Variants in SMAD1 observed in about 807,000 individuals in gnomAD.
SMAD1 encodes MAD, mothers against decapentaplegic homolog 1.
Under a neutral mutation model 41.6 loss-of-function variants are expected in SMAD1, and 6 were observed. The observed-to-expected ratio is 0.14, with a 90% CI of 0.08 to 0.28. The LOEUF is 0.28. Ranked by LOEUF, SMAD1 falls within the 10% of genes least tolerant of loss-of-function variation. The pLI is 1.00. For synonymous variants in SMAD1, 206 were observed against 203.2 expected, an observed-to-expected ratio of 1.01 and a Z score of -0.12; for missense variants, 379 against 582.6, an observed-to-expected ratio of 0.65 and a Z score of 3.60.
intron 5 of SMAD1, among the ~76,000 whole-genome samples, chr4:145,548,455 T>C (rs2126539206): frequency 6.6e-6 from 1 of 152,288 alleles, no homozygotes; most frequent in South Asian, 2.1e-4. Flanking sequence ...GGTCTCGAAC[T>C]AACCTCAAAC....
chr4:145,542,839 A>G (rs1732028789), intron 4 of SMAD1, 141 bp downstream of exon 4: 1 of 557,116 alleles, frequency 1.8e-6, no homozygotes, highest in Non-Finnish European at 3.2e-6. Context: ...AGCTCACTAC[A>G]ATTGCTGGAT....
intron 1 of SMAD1, among the ~76,000 whole-genome samples, chr4:145,507,544 CTT>C (rs1729857538): frequency 6.6e-6 from 1 of 151,676 alleles, no homozygotes; most frequent in South Asian, 2.1e-4. Flanking sequence ...TGATGAAAAT[CTT>C]TGTGCAAAAA....
chr4:145,527,032 A>G (rs1283663258), intron 2 of SMAD1, among the ~76,000 whole-genome samples: 2 of 152,194 alleles, frequency 1.3e-5, no homozygotes. Context: ...TAGTGATACA[A>G]GGAACATCAC....
In SMAD1 at chr4:145,514,173, A is replaced by G. The variant is rs937960761; in HGVS notation, c.-176-265A>G. Among the ~76,000 whole-genome samples the G allele has an allele frequency of 6.6e-6, 1 of 152,096 alleles. No individual in the cohort carries two copies. The highest frequency in any genetic ancestry group is 1.5e-5 in the Non-Finnish European group (1 of 68,020). On this transcript the variant is annotated intron_variant, in intron 1 of 6. Coordinates refer to ENST00000302085, the MANE Select transcript of SMAD1 (RefSeq NM_005900.3). The surrounding 1 kb of genome is among the most constrained non-coding windows in gnomAD (Gnocchi z 4.7). ...TAGAGGCTGGAGGAGGGAGATAGCA[A>G]TCTTAAGACCACCAGTCCTATCAGG...
chr4:145,483,147 A>G (rs942462415), intron 1 of SMAD1: 4 of 152,242 alleles, frequency 2.6e-5, no homozygotes, highest in African/African-American at 9.6e-5. Context: ...GGCCGGTCTC[A>G]GAACCATCTC....
chr4:145,546,959 TCTGTTGTGTCC>T, intron 5 of SMAD1, 35 bp downstream of exon 5: 1 of 1,490,366 alleles, frequency 6.7e-7, no homozygotes, highest in East Asian at 2.3e-5. Flanking sequence ...CAGATGTTTA[TCTGTTGTGTCC>T]CTGTTCCTCC....
chr4:145,535,647 C>T (rs1330168585), intron 2 of SMAD1, among the ~76,000 whole-genome samples: 2 of 151,866 alleles, frequency 1.3e-5, no homozygotes, highest in East Asian at 1.9e-4. Flanking sequence ...CAAGAAGAAA[C>T]ACAGGATAAG....
At chr4:145,526,346 A>G (rs1731017919) in intron 2 of SMAD1, among the ~76,000 whole-genome samples, 1 of 152,218 alleles carries the variant, frequency 6.6e-6, no homozygotes, top group African/African-American at 2.4e-5. Context: ...CAGATTTTGC[A>G]GTATTTTTTG....
Position 145,554,054 on chromosome 4 carries a change from G to T in SMAD1, c.1254+14G>T. 3.7e-6 allele frequency: 6 copies of T among 1,602,268 alleles called. No individual in the cohort carries two copies. Among genetic ancestry groups the T allele is most frequent in the South Asian group, 3.3e-5 (3 of 90,332 alleles). ...AGCTTTGTGAAGGTAAGTGAGCTCC[G>T]ACTCCTCCATTTAGGGCCTAACATA... is the stretch of plus-strand genomic sequence containing the variant. On this transcript the variant is annotated intron_variant, in intron 6 of 6. Transcript: ENST00000302085.
In SMAD1 at chr4:145,539,827, A is replaced by G. The variant is rs762817927; in HGVS notation, c.424A>G (p.Arg142Gly). The change falls in exon 3 of 7, where the codon AGA becomes GGA. Residue 142 changes from arginine (R) to glycine (G), a missense_variant. Physicochemically the swap from Arg to Gly is moderately radical, Grantham distance 125. Coordinates refer to ENST00000302085, the MANE Select transcript of SMAD1 (RefSeq NM_005900.3). ...AGTACTTCCTCCTGTGCTGGTTCCA[A>G]GACACAGCGAATATAATCCTCAGCA... ...SPVLPPVLVP[R>G]HSEYNPQHSL... 3.1e-6 allele frequency: 5 copies of G among 1,613,982 alleles called. No homozygotes were observed. The highest frequency in any genetic ancestry group is 3.3e-5 in the Admixed American group (2 of 60,010).
chr4:145,533,813 T>G (rs1578802879), intron 2 of SMAD1, among the ~76,000 whole-genome samples: 1 of 152,306 alleles, frequency 6.6e-6, no homozygotes, highest in African/African-American at 2.4e-5. Flanking sequence ...GAAGCCTCAT[T>G]TAATCTCATT....
upstream of SMAD1, chr4:145,481,754 T>G: frequency 5.5e-6 from 1 of 182,848 alleles, no homozygotes; most frequent in South Asian, 1.0e-4. Flanking sequence ...GGTGAGCGGG[T>G]GAGCGTGTGA....
At chr4:145,492,637 G>A (rs1421696447) in intron 1 of SMAD1, among the ~76,000 whole-genome samples, 5 of 152,164 alleles carry the variant, frequency 3.3e-5, no homozygotes, top group Admixed American at 3.3e-4. Context: ...GGCCACTGGT[G>A]ATCAACTTAA....
At chr4:145,492,012 T>TA (rs201421459) in intron 1 of SMAD1, among the ~76,000 whole-genome samples, 1 of 152,042 alleles carries the variant, frequency 6.6e-6, no homozygotes, top group African/African-American at 2.4e-5. Context: ...TTATAATGTT[T>TA]AAAAAAAATG....
At chr4:145,527,879 G>A (rs1346572918) in intron 2 of SMAD1, among the ~76,000 whole-genome samples, 2 of 143,888 alleles carry the variant, frequency 1.4e-5, no homozygotes, top group East Asian at 2.1e-4. Flanking sequence ...TTTTTTTTTC[G>A]AGACAGAATC....
chr4:145,532,782 A>T (rs920160320), intron 2 of SMAD1, among the ~76,000 whole-genome samples: 10 of 152,202 alleles, frequency 6.6e-5, no homozygotes, highest in African/African-American at 2.4e-4. Context: ...ACATAGAACA[A>T]GTCAGAGGGA....
At chr4:145,492,888 C>G (rs1468197599) in intron 1 of SMAD1, among the ~76,000 whole-genome samples, 1 of 152,148 alleles carries the variant, frequency 6.6e-6, no homozygotes, top group African/African-American at 2.4e-5. Context: ...CATATGCTGC[C>G]CATAAGGGGA....
At chr4:145,511,242 G>A (rs1424083061) in intron 1 of SMAD1, among the ~76,000 whole-genome samples, 1 of 151,918 alleles carries the variant, frequency 6.6e-6, no homozygotes, top group Non-Finnish European at 1.5e-5. Flanking sequence ...CTCATCTGTT[G>A]TCTCCTTTTC....
chr4:145,504,619 T>A (rs1369713039), intron 1 of SMAD1, among the ~76,000 whole-genome samples: 1 of 152,218 alleles, frequency 6.6e-6, no homozygotes, highest in African/African-American at 2.4e-5. Flanking sequence ...TGTTTGGAAA[T>A]GTGAGCGGAT....
Sources: allele counts gnomAD v4.1 joint callset (sites outside exome capture counted in the v4.1 genomes callset), GRCh38; gene constraint gnomAD v4.1.1; non-coding constraint Gnocchi (gnomAD v3.1); transcripts MANE v1.5; gene names NCBI Gene and HGNC (gene_info 2026-07-23, HGNC 2026-07-21).